MKX: variants seen among roughly 807,000 people sequenced by gnomAD.
MKX encodes mohawk homeobox, also known as homeobox protein Mohawk.
Under a neutral mutation model 36.0 loss-of-function variants are expected in MKX, and 13 were observed. That is an observed-to-expected ratio of 0.36 (90% CI 0.24 to 0.57). The LOEUF (loss-of-function observed/expected upper bound fraction) is 0.57, where lower values mean the gene tolerates loss of function less well. MKX is among the 20% of genes least tolerant of loss of function. The pLI is 0.79. For missense variants in MKX, 458 were observed against 456.4 expected, an observed-to-expected ratio of 1.00 and a Z score of -0.03; for synonymous variants, 176 against 178.3, an observed-to-expected ratio of 0.99 and a Z score of 0.10.
intron 5 of MKX, among the ~76,000 whole-genome samples, chr10:27,715,827 A>G (rs1408457774): frequency 6.6e-6 from 1 of 152,128 alleles, no homozygotes; most frequent in African/African-American, 2.4e-5. Flanking sequence ...TTACTCCAGA[A>G]GATCGAAGGG....
Position 27,722,091 on chromosome 10 carries a change from A to G in MKX, c.838+12365T>C, listed in dbSNP as rs1589684893. 2.0e-5 allele frequency among the ~76,000 whole-genome samples: 3 copies of G among 152,212 alleles called. No homozygotes were observed. The East Asian group carries it at 5.8e-4, about 29-fold the overall frequency. Reference sequence around the variant, plus strand: ...AGAAAATATACTTCTGATAAAAATTATCAGAAAAGTTAAAATATAGCATAC... The same window carrying G: ...AGAAAATATACTTCTGATAAAAATTGTCAGAAAAGTTAAAATATAGCATAC... On this transcript the variant is annotated intron_variant, in intron 5 of 6. Coordinates refer to ENST00000419761, the MANE Select transcript of MKX (RefSeq NM_173576.3).
intron 5 of MKX, among the ~76,000 whole-genome samples, chr10:27,684,700 T>A (rs1157965958): frequency 1.3e-5 from 2 of 152,346 alleles, no homozygotes; most frequent in Admixed American, 6.5e-5. Flanking sequence ...TCCAGCTTCA[T>A]CCAACTTAAA....
intron 4 of MKX, 123 bp downstream of exon 4, chr10:27,735,098 T>C: frequency 3.5e-6 from 3 of 867,806 alleles, no homozygotes; most frequent in Non-Finnish European, 5.0e-6. Context: ...AGTTACTTCA[T>C]GCAATAAAAA....
chr10:27,701,827 G>GTATATATA (rs10609979), intron 5 of MKX, among the ~76,000 whole-genome samples: 4 of 145,500 alleles, frequency 2.7e-5, no homozygotes, highest in African/African-American at 1.0e-4. Context: ...GTGTGTGTGT[G>GTATATATA]TATATATATA....
At chr10:27,732,093 A>G (rs971054496) in intron 5 of MKX, among the ~76,000 whole-genome samples, 9 of 152,170 alleles carry the variant, frequency 5.9e-5, no homozygotes, top group African/African-American at 2.2e-4. Context: ...AATATTTCTC[A>G]AGTATTTTCA....
chr10:27,705,569 G>A (rs1048041376), intron 5 of MKX, among the ~76,000 whole-genome samples: 4 of 152,120 alleles, frequency 2.6e-5, no homozygotes, highest in Admixed American at 2.6e-4. Context: ...TGCCCAGGCT[G>A]GTCTTGAACT....
intron 5 of MKX, among the ~76,000 whole-genome samples, chr10:27,694,496 C>G (rs1455077359): frequency 7.6e-6 from 1 of 131,610 alleles, no homozygotes; most frequent in Admixed American, 8.2e-5. Flanking sequence ...CTGGCTAACA[C>G]AGCGAAACCC....
chr10:27,702,805 A>AT (rs1033862289), intron 5 of MKX, among the ~76,000 whole-genome samples: 8 of 152,126 alleles, frequency 5.3e-5, no homozygotes, highest in African/African-American at 1.9e-4. Flanking sequence ...GAAAGGAAAG[A>AT]TTTTCACAAC....
chr10:27,711,378 T>TTTTTC (rs1375674905), intron 5 of MKX, among the ~76,000 whole-genome samples: 2 of 152,148 alleles, frequency 1.3e-5, no homozygotes, highest in Non-Finnish European at 2.9e-5. Context: ...AATTGTCACT[T>TTTTTC]TTTTCTTTTC....
intron 5 of MKX, among the ~76,000 whole-genome samples, chr10:27,728,701 T>C (rs981073507): frequency 7.2e-5 from 11 of 152,346 alleles, no homozygotes; most frequent in South Asian, 6.2e-4. Context: ...GCAGATCCAA[T>C]GGTTTATTGA....
In MKX at chr10:27,741,263, G is replaced by T. The variant is rs746648188; in HGVS notation, c.348+82C>A. The stretch of plus-strand genomic sequence containing the variant: ...CCTCTCCAGGTAGAAGCGCCACGTG[G>T]AGAGCCACACGAACTCTAAGCGTTC... On this transcript the variant is annotated intron_variant, in intron 3 of 6. Transcript: ENST00000419761. The surrounding 1 kb of genome is among the most constrained non-coding windows in gnomAD (Gnocchi z 5.1). The T allele has an allele frequency of 1.5e-5, 23 of 1,557,184 alleles. No homozygotes were observed. The highest frequency in any genetic ancestry group is 1.9e-5 in the Non-Finnish European group (22 of 1,144,072).
chr10:27,722,698 C>A (rs1216488149), intron 5 of MKX, among the ~76,000 whole-genome samples: 3 of 152,184 alleles, frequency 2.0e-5, no homozygotes, highest in Admixed American at 6.5e-5. Context: ...TGGGGCCCTA[C>A]AAAGTCATTT....
chr10:27,698,882 A>G (rs935693553), intron 5 of MKX, among the ~76,000 whole-genome samples: 2 of 152,232 alleles, frequency 1.3e-5, no homozygotes, highest in African/African-American at 2.4e-5. Flanking sequence ...CAATCAATCA[A>G]TAAGAGTTTT....
intron 5 of MKX, 105 bp from the exon 6 acceptor site, chr10:27,675,659 A>G (rs1194770281): frequency 1.7e-6 from 2 of 1,152,140 alleles, no homozygotes; most frequent in Non-Finnish European, 2.5e-6. Context: ...TTCAGGAAAT[A>G]TGGTTGAAAA....
intron 5 of MKX, among the ~76,000 whole-genome samples, chr10:27,698,790 G>A (rs1301404121): frequency 6.6e-6 from 1 of 152,076 alleles, no homozygotes; most frequent in African/African-American, 2.4e-5. Flanking sequence ...GAAAGACAGG[G>A]TGTTTTGATA....
intron 5 of MKX, among the ~76,000 whole-genome samples, chr10:27,687,515 T>C (rs936212361): frequency 4.6e-5 from 7 of 152,228 alleles, no homozygotes; most frequent in African/African-American, 4.8e-5. Context: ...CTGGTGGCTC[T>C]TTAGTCATTT....
intron 5 of MKX, among the ~76,000 whole-genome samples, chr10:27,686,416 AGG>A: frequency 6.9e-6 from 1 of 145,710 alleles, no homozygotes; most frequent in Non-Finnish European, 1.5e-5. Flanking sequence ...GAAGGAAGGA[AGG>A]AAGGAAGGAA....
chr10:27,711,754 T>C (rs1351317723), intron 5 of MKX, among the ~76,000 whole-genome samples: 2 of 143,988 alleles, frequency 1.4e-5, no homozygotes, highest in Non-Finnish European at 3.1e-5. Context: ...TTAAAACTCT[T>C]TTTTTTTTTT....
intron 5 of MKX, among the ~76,000 whole-genome samples, chr10:27,721,886 T>A (rs1834387556): frequency 6.6e-6 from 1 of 152,070 alleles, no homozygotes; most frequent in Admixed American, 6.5e-5. Flanking sequence ...CAGTATATAA[T>A]GGGGGTAGTA....
Sources: gnomAD v4.1 joint callset for allele counts (sites outside exome capture counted in the v4.1 genomes callset) on GRCh38, gnomAD v4.1.1 for gene constraint, Gnocchi (gnomAD v3.1) non-coding constraint, MANE v1.5 for transcripts, NCBI Gene and HGNC (gene_info 2026-07-23, HGNC 2026-07-21) for gene names.